The following HDAC9 variants were observed in gnomAD, a reference collection of about 807,000 sequenced individuals.
HDAC9 encodes MEF-2 interacting transcription repressor (MITR) protein.
In HDAC9, 41 loss-of-function variants were observed where a neutral mutation model predicts 139.4. The observed-to-expected ratio is 0.29, with a 90% CI of 0.23 to 0.38. HDAC9 has a LOEUF of 0.38. Among genes scored for constraint, HDAC9 ranks in the 10% least tolerant of loss-of-function variants. The probability of loss-of-function intolerance (pLI) is 1.00; values close to 1 mark genes in which losing one functional copy is unlikely to be tolerated. For synonymous variants in HDAC9, 517 were observed against 476.2 expected (o/e 1.09, Z -1.12); for missense variants, 1,147 against 1,297.0 (o/e 0.88, Z 1.78).
At chr7:18,506,568 AT>A (rs58357233) in intron 2 of HDAC9, among the ~76,000 whole-genome samples, 5,957 of 146,754 alleles carry the variant, frequency 0.041, 151 homozygotes, top group Middle Eastern at 0.083. Context: ...CAATTTCTCA[AT>A]TTTTTTTTTT....
At chr7:18,540,389 T>C (rs774440317) in intron 2 of HDAC9, among the ~76,000 whole-genome samples, 9 of 151,992 alleles carry the variant, frequency 5.9e-5, no homozygotes, top group Non-Finnish European at 1.0e-4. Context: ...TTATTAAATA[T>C]ATTTATTCTT....
intron 2 of HDAC9, among the ~76,000 whole-genome samples, chr7:18,501,835 A>G (rs1194118234): frequency 6.6e-6 from 1 of 152,146 alleles, no homozygotes; most frequent in Non-Finnish European, 1.5e-5. Flanking sequence ...TCAAAATACT[A>G]ACAGTGATTA....
intron 1 of HDAC9, among the ~76,000 whole-genome samples, chr7:18,448,457 T>A (rs1792500275): frequency 6.6e-6 from 1 of 152,198 alleles, no homozygotes; most frequent in Non-Finnish European, 1.5e-5. Flanking sequence ...TGGTACCTTT[T>A]CTTTAAAGAT....
At chr7:18,649,218 A>G (rs1054434682) in intron 11 of HDAC9, among the ~76,000 whole-genome samples, 1 of 152,202 alleles carries the variant, frequency 6.6e-6, no homozygotes, top group African/African-American at 2.4e-5. Context: ...TGTTGCTAAA[A>G]TAGACAGCGG....
intron 13 of HDAC9, among the ~76,000 whole-genome samples, chr7:18,729,951 A>T (rs1178131): frequency 6.6e-6 from 1 of 152,050 alleles, no homozygotes; most frequent in African/African-American, 2.4e-5. Flanking sequence ...GAAAGTAAAA[A>T]TTACATTGTA....
At chr7:18,138,527 G>GAGGTGT (rs373098473) in intron 1 of HDAC9, among the ~76,000 whole-genome samples, 2 of 142,668 alleles carry the variant, frequency 1.4e-5, no homozygotes, top group Non-Finnish European at 3.0e-5. Context: ...GAGAGAGAGA[G>GAGGTGT]GTGTGTGTGT....
At chr7:18,441,264 A>G (rs540857831) in intron 1 of HDAC9, among the ~76,000 whole-genome samples, 1 of 152,318 alleles carries the variant, frequency 6.6e-6, no homozygotes, top group South Asian at 2.1e-4. Flanking sequence ...TTAAAGAAAA[A>G]AAAGTATTCC....
intron 2 of HDAC9, among the ~76,000 whole-genome samples, chr7:18,510,770 T>C (rs1801259764): frequency 6.6e-6 from 1 of 152,178 alleles, no homozygotes; most frequent in African/African-American, 2.4e-5. Flanking sequence ...TAAGGAAATA[T>C]AGATGGAATG....
At chr7:18,116,337 C>T (rs930180742) in intron 1 of HDAC9, among the ~76,000 whole-genome samples, 2 of 152,042 alleles carry the variant, frequency 1.3e-5, no homozygotes, top group Admixed American at 6.6e-5. Flanking sequence ...TTTTATGTTA[C>T]TTGCTAAAAT....
intron 2 of HDAC9, among the ~76,000 whole-genome samples, chr7:18,164,730 A>T (rs1323199164): frequency 6.6e-6 from 1 of 152,228 alleles, no homozygotes; most frequent in African/African-American, 2.4e-5. Context: ...CATTCAGTCA[A>T]ACAATAAGTG....
intron 17 of HDAC9, among the ~76,000 whole-genome samples, chr7:18,814,467 ATTGT>A (rs1422303938): frequency 1.2e-4 from 19 of 152,136 alleles, no homozygotes; most frequent in Admixed American, 1.0e-3. Flanking sequence ...TGCAAAAGAC[ATTGT>A]TTGGCTTTTT....
chr7:18,684,387 C>G (rs894898414), intron 12 of HDAC9, among the ~76,000 whole-genome samples: 5 of 151,892 alleles, frequency 3.3e-5, no homozygotes, highest in Non-Finnish European at 7.4e-5. Flanking sequence ...CACCTACAAT[C>G]CCAGCACTTT....
Position 18,162,310 on chromosome 7 carries a change from G to T in HDAC9, c.-15G>T, listed in dbSNP as rs999419837. ...GTGAATCTGCATCCTAGTCTTAGCA[G>T]TCCCTCTGATTCTCATGATGAGCTC... On this transcript the variant is annotated 5_prime_UTR_variant, in exon 2 of 13. Coordinates refer to the HDAC9 transcript ENST00000417496. The T allele has an allele frequency of 1.7e-4, 260 of 1,535,008 alleles. 3 individuals are homozygous for T. Among genetic ancestry groups the T allele is most frequent in the Non-Finnish European group, 2.2e-4 (252 of 1,146,486 alleles).
At chr7:18,499,753 G>A (rs1189710175) in intron 2 of HDAC9, among the ~76,000 whole-genome samples, 1 of 152,108 alleles carries the variant, frequency 6.6e-6, no homozygotes, top group African/African-American at 2.4e-5. Flanking sequence ...TCATATTTTG[G>A]CCATCTATTC....
chr7:18,660,352 C>G (rs1466301556), intron 11 of HDAC9, among the ~76,000 whole-genome samples: 5 of 152,128 alleles, frequency 3.3e-5, no homozygotes, highest in Non-Finnish European at 7.4e-5. Flanking sequence ...TGAATCTTTA[C>G]AAAGAGCATA....
chr7:18,110,820 G>A (rs1783565472), intron 1 of HDAC9, among the ~76,000 whole-genome samples: 1 of 152,156 alleles, frequency 6.6e-6, no homozygotes, highest in African/African-American at 2.4e-5. Flanking sequence ...GGTAGTAATT[G>A]TGATGATGGG....
intron 12 of HDAC9, among the ~76,000 whole-genome samples, chr7:18,688,069 A>G (rs1295080175): frequency 1.3e-5 from 2 of 151,798 alleles, no homozygotes; most frequent in African/African-American, 4.8e-5. Flanking sequence ...CAAAATGACT[A>G]TATATACACA....
chr7:18,808,764 T>G (rs7777331), intron 17 of HDAC9, among the ~76,000 whole-genome samples: 16,938 of 151,856 alleles, frequency 0.11, 1,064 homozygotes, highest in South Asian at 0.21. Flanking sequence ...TCAATGACAT[T>G]TTTCACAGAA....
At chr7:18,306,809 C>A (rs1798942942) in intron 1 of HDAC9, among the ~76,000 whole-genome samples, 1 of 152,088 alleles carries the variant, frequency 6.6e-6, no homozygotes, top group Non-Finnish European at 1.5e-5. Flanking sequence ...TCCAACCAGA[C>A]TTATTTACTC....
Sources: gnomAD v4.1 joint callset for allele counts (sites outside exome capture counted in the v4.1 genomes callset) on GRCh38, gnomAD v4.1.1 for gene constraint, MANE v1.5 for transcripts, NCBI Gene and HGNC (gene_info 2026-07-23, HGNC 2026-07-21) for gene names.